ADGB: variants seen among roughly 807,000 people sequenced by gnomAD.
ADGB encodes the protein calpain-7-like protein.
Under a neutral mutation model 210.5 loss-of-function variants are expected in ADGB, and 172 were observed. That is an observed-to-expected ratio of 0.82 (90% CI 0.72 to 0.93). ADGB has a LOEUF of 0.93. ADGB is among the 40% of genes least tolerant of loss of function. The pLI is 0.00. For missense variants in ADGB, 2,025 were observed against 1,964.8 expected (o/e 1.03, Z -0.58); for synonymous variants, 658 against 662.7 (o/e 0.99, Z 0.11).
intron 1 of ADGB, among the ~76,000 whole-genome samples, chr6:146,631,963 TA>T (rs60684925): frequency 0.27 from 38,484 of 142,988 alleles, 5,093 homozygotes; most frequent in East Asian, 0.35. Flanking sequence ...ATCTCCTCAT[TA>T]AAAAAAAAAA....
intron 29 of ADGB, among the ~76,000 whole-genome samples, chr6:146,781,041 T>C (rs961402192): frequency 2.0e-5 from 3 of 151,714 alleles, no homozygotes; most frequent in African/African-American, 7.3e-5. Context: ...AAGAAATAAA[T>C]TGGAGGCCGG....
chr6:146,691,424 A>ATT (rs1404752981), intron 11 of ADGB, 134 bp downstream of exon 11: 6 of 42,438 alleles, frequency 1.4e-4, no homozygotes, highest in African/African-American at 1.2e-3. Context: ...ATATATATAT[A>ATT]TATATATATA....
intron 2 of ADGB, among the ~76,000 whole-genome samples, chr6:146,637,421 A>T (rs1775440155): frequency 6.6e-6 from 1 of 151,982 alleles, no homozygotes; most frequent in Admixed American, 6.6e-5. Flanking sequence ...TCAACTCCTA[A>T]ACTATGTATG....
At chr6:146,814,663 C>T (rs1778355502) in intron 35 of ADGB, among the ~76,000 whole-genome samples, 1 of 152,116 alleles carries the variant, frequency 6.6e-6, no homozygotes, top group African/African-American at 2.4e-5. Flanking sequence ...TCAAGGATAG[C>T]ATACATGTGG....
At chr6:146,623,501 G>A (rs577488456) in intron 1 of ADGB, among the ~76,000 whole-genome samples, 38 of 151,620 alleles carry the variant, frequency 2.5e-4, no homozygotes, top group Admixed American at 1.1e-3. Context: ...AATTCTTCTT[G>A]TCAGTGCACA....
intron 9 of ADGB, 31 bp from the exon 10 acceptor site, chr6:146,685,703 T>A: frequency 1.5e-6 from 2 of 1,376,460 alleles, no homozygotes; most frequent in Non-Finnish European, 1.9e-6. Context: ...TGACTAGAAT[T>A]TTCACAACAT....
chr6:146,809,931 A>G lies in ADGB; in HGVS notation c.4819-5101A>G, dbSNP rs551877155. On this transcript the variant is annotated intron_variant, in intron 35 of 35. Coordinates refer to ENST00000397944, the MANE Select transcript of ADGB (RefSeq NM_024694.4). ...CTTTTGGAGATGACACCAGAAGCAC[A>G]GGCAACAAAAGCAAACATAAACAAG... Among the ~76,000 whole-genome samples, 15 of 152,166 alleles carry G rather than the reference A, an allele frequency of 9.9e-5. No individual in the cohort carries two copies. In the South Asian group the frequency reaches 3.1e-3, roughly 32 times the overall value.
chr6:146,642,633 A>G (rs1775535232), intron 2 of ADGB, among the ~76,000 whole-genome samples: 1 of 151,996 alleles, frequency 6.6e-6, no homozygotes, highest in Admixed American at 6.6e-5. Context: ...GCTGGAGGCT[A>G]TTATCTTTAG....
At chr6:146,795,268 C>G (rs1325611927) in intron 33 of ADGB, among the ~76,000 whole-genome samples, 1 of 151,906 alleles carries the variant, frequency 6.6e-6, no homozygotes, top group Non-Finnish European at 1.5e-5. Context: ...GACAAAGACA[C>G]CTAAAAGCAA....
At position 146,728,109 on chromosome 6, in the gene ADGB, G is replaced by T. The variant is rs552573432; in HGVS notation, c.2353-465G>T. ...AGTTTTCTCCAGTTTTTAAAAATTAGTTACTTCCTGAAATTCCTGTCTCCT... is the reference window on the plus strand; with the variant it reads ...AGTTTTCTCCAGTTTTTAAAAATTATTTACTTCCTGAAATTCCTGTCTCCT... On this transcript the variant is annotated intron_variant, in intron 19 of 35. Transcript: ENST00000397944. Among the ~76,000 whole-genome samples, 9 of 152,230 alleles carry T rather than the reference G, an allele frequency of 5.9e-5. No homozygotes were observed. The South Asian group carries it at 1.2e-3, about 21-fold the overall frequency.
At chr6:146,638,540 T>G (rs1775458467) in intron 2 of ADGB, among the ~76,000 whole-genome samples, 1 of 123,648 alleles carries the variant, frequency 8.1e-6, no homozygotes, top group African/African-American at 3.2e-5. Context: ...CACTCATAGG[T>G]GGGAAATGAA....
chr6:146,706,245 TTTTTC>T, intron 13 of ADGB, among the ~76,000 whole-genome samples: 1 of 151,438 alleles, frequency 6.6e-6, no homozygotes, highest in South Asian at 2.1e-4. Flanking sequence ...TTTTGTTTTT[TTTTTC>T]TTTTCTTTTT....
At position 146,615,621 on chromosome 6, in the gene ADGB, TC is replaced by T. The variant is rs548868169; in HGVS notation, c.74+16508del. On this transcript the variant is annotated intron_variant, in intron 1 of 35. Coordinates refer to ENST00000397944, the MANE Select transcript of ADGB (RefSeq NM_024694.4). ...TAACCTTCCCAGCCTTTGGTAACCA[TC>T]ATTCTACTCTCTACCTTCATCAGAT... 1.4e-3 allele frequency among the ~76,000 whole-genome samples: 208 copies of T among 152,326 alleles called. 1 individual carries two copies. Among genetic ancestry groups the T allele is most frequent in the African/African-American group, 4.9e-3 (204 of 41,572 alleles).
chr6:146,616,847 C>G (rs1780808014), intron 1 of ADGB, among the ~76,000 whole-genome samples: 1 of 151,910 alleles, frequency 6.6e-6, no homozygotes, highest in African/African-American at 2.4e-5. Flanking sequence ...GGTTATTATA[C>G]TTTTGTAATC....
chr6:146,713,275 TAA>T (rs954464927), intron 13 of ADGB, among the ~76,000 whole-genome samples: 30 of 152,322 alleles, frequency 2.0e-4, no homozygotes, highest in African/African-American at 7.2e-4. Context: ...GGAATATACC[TAA>T]GAGTGGAATT....
Position 146,740,525 on chromosome 6 carries a change from G to A in ADGB, c.2955G>A (p.Lys985=). The change falls in exon 24 of 36, where the codon AAG becomes AAA. Residue 985 remains lysine (K), a synonymous_variant. Transcript: ENST00000397944. ...CATGCTATCAAGATGAAGAAACTAA[G>A]ATTGCTTTTGCAGATTATACTGTGA... is the stretch of plus-strand genomic sequence containing the variant. ...SYPCYQDEET[K]IAFADYTVTY... 6.5e-7 allele frequency: 1 copy of A among 1,550,296 alleles called. No individual in the cohort carries two copies. The highest frequency in any genetic ancestry group is 8.7e-7 in the Non-Finnish European group (1 of 1,146,098).
chr6:146,718,761 C>T (rs900331808), intron 16 of ADGB, among the ~76,000 whole-genome samples: 7 of 152,188 alleles, frequency 4.6e-5, no homozygotes, highest in African/African-American at 1.7e-4. Context: ...GAAACTTTTC[C>T]ATTGCCCTTG....
chr6:146,690,663 G>A (rs1398671456), intron 10 of ADGB, among the ~76,000 whole-genome samples: 1 of 152,158 alleles, frequency 6.6e-6, no homozygotes, highest in South Asian at 2.1e-4. Flanking sequence ...GGGAAGAGGG[G>A]TGAAGTGTAG....
At chr6:146,666,098 G>C (rs1026176542) in intron 6 of ADGB, among the ~76,000 whole-genome samples, 82 of 152,148 alleles carry the variant, frequency 5.4e-4, no homozygotes, top group African/African-American at 1.9e-3. Context: ...ATTTCTTTCT[G>C]AAGAAAGGCA....
Sources: allele counts gnomAD v4.1 joint callset (sites outside exome capture counted in the v4.1 genomes callset), GRCh38; gene constraint gnomAD v4.1.1; transcripts MANE v1.5; gene names NCBI Gene and HGNC (gene_info 2026-07-23, HGNC 2026-07-21).